Variants in DRICH1 observed in about 807,000 individuals in gnomAD.
DRICH1 encodes aspartate rich 1.
In DRICH1, 38 loss-of-function variants were observed where a neutral mutation model predicts 39.5. The observed-to-expected ratio is 0.96, with a 90% CI of 0.74 to 1.26. The LOEUF (loss-of-function observed/expected upper bound fraction) is 1.26, where lower values mean the gene tolerates loss of function less well. Ranked by LOEUF, DRICH1 falls within the 50% of genes most tolerant of loss-of-function variation. The pLI, the probability that DRICH1 is intolerant of heterozygous loss-of-function variation, is 0.00. For missense variants in DRICH1, 279 were observed against 270.4 expected, an observed-to-expected ratio of 1.03 and a Z score of -0.22; for synonymous variants, 84 against 99.5, an observed-to-expected ratio of 0.84 and a Z score of 0.93.
chr22:23,627,216 G>A (rs2123794723), intron 1 of DRICH1, among the ~76,000 whole-genome samples: 1 of 151,998 alleles, frequency 6.6e-6, no homozygotes, highest in South Asian at 2.1e-4. Context: ...GGGATTACAG[G>A]TGTGCGTCAC....
chr22:23,606,780 C>T (rs888557192), downstream of DRICH1, among the ~76,000 whole-genome samples: 2 of 152,176 alleles, frequency 1.3e-5, no homozygotes, highest in African/African-American at 4.8e-5. Flanking sequence ...CCCTGAGATG[C>T]CAGCGACCAA....
chr22:23,628,646 A>G (rs1200798020), intron 1 of DRICH1, among the ~76,000 whole-genome samples: 3 of 152,184 alleles, frequency 2.0e-5, no homozygotes, highest in Non-Finnish European at 4.4e-5. Context: ...GCCATTCCTC[A>G]AGTGACTTCC....
At chr22:23,620,479 A>T (rs2123781348) in intron 5 of DRICH1, 115 bp downstream of exon 5, 4 of 1,188,864 alleles carry the variant, frequency 3.4e-6, no homozygotes, top group Non-Finnish European at 5.0e-6. Context: ...CACTTGCAGA[A>T]TCATTTGCTC....
At chr22:23,626,893 G>A (rs1928096050) in intron 1 of DRICH1, among the ~76,000 whole-genome samples, 1 of 152,094 alleles carries the variant, frequency 6.6e-6, no homozygotes, top group South Asian at 2.1e-4. Context: ...CAATCTCACA[G>A]CCCTGAGATT....
the DRICH1 span, among the ~76,000 whole-genome samples, chr22:23,594,325 T>C: frequency 6.6e-6 from 1 of 152,132 alleles, no homozygotes; most frequent in Non-Finnish European, 1.5e-5. Context: ...TCAAAGCACT[T>C]TGGGAGACCA....
chr22:23,632,195 C>A lies in DRICH1; in HGVS notation c.-172G>T. Reference sequence around the variant, plus strand: ...GCCGCCACCTCCCAAACTAGCTGGTCTATGAGGTCAGGGACCTGCTGTCTT... The same window carrying A: ...GCCGCCACCTCCCAAACTAGCTGGTATATGAGGTCAGGGACCTGCTGTCTT... On this transcript the variant is annotated 5_prime_UTR_variant, in exon 1 of 12. The change abolishes the stop of an existing upstream ORF in the 5' untranslated region. Coordinates refer to ENST00000317749, the MANE Select transcript of DRICH1 (RefSeq NM_016449.4). 9.1e-7 allele frequency: 1 copy of A among 1,099,604 alleles called. No homozygotes were observed. The highest frequency in any genetic ancestry group is 1.3e-6 in the Non-Finnish European group (1 of 785,292). 68.1% of individuals were successfully genotyped at this position (1,099,604 alleles called of 1,614,324 possible). A position where few individuals can be genotyped will look rare whatever the true frequency, so the allele number is the denominator to read the frequency against.
At chr22:23,618,286 T>G (rs1349340615) in intron 6 of DRICH1, among the ~76,000 whole-genome samples, 2 of 151,794 alleles carry the variant, frequency 1.3e-5, no homozygotes, top group African/African-American at 4.8e-5. Flanking sequence ...GCTAATTTTT[T>G]TGTATTTTTA....
chr22:23,627,274 T>A (rs909806531), intron 1 of DRICH1, among the ~76,000 whole-genome samples: 6 of 152,064 alleles, frequency 3.9e-5, no homozygotes, highest in Admixed American at 6.5e-5. Flanking sequence ...GGTTTCACCA[T>A]GTTGGCCAGG....
chr22:23,591,533 G>A, the DRICH1 span, among the ~76,000 whole-genome samples: 1 of 152,064 alleles, frequency 6.6e-6, no homozygotes, highest in Non-Finnish European at 1.5e-5. Flanking sequence ...TACTCCAAGC[G>A]CTTCCCACTT....
chr22:23,606,724 C>T (rs921867407), downstream of DRICH1, among the ~76,000 whole-genome samples: 1 of 152,112 alleles, frequency 6.6e-6, no homozygotes, highest in African/African-American at 2.4e-5. Context: ...TCTCCCAGGG[C>T]TGGCTGCTGC....
the DRICH1 span, chr22:23,583,064 A>T: frequency 6.6e-6 from 1 of 152,194 alleles, no homozygotes; most frequent in East Asian, 1.9e-4. Flanking sequence ...CCCAGAGCTG[A>T]CTCCAGCTGG....
the DRICH1 span, among the ~76,000 whole-genome samples, chr22:23,593,669 C>T: frequency 6.4e-4 from 93 of 145,992 alleles, no homozygotes; most frequent in African/African-American, 2.2e-3. Flanking sequence ...CATGATGTCG[C>T]GCGCCTGTAG....
At chr22:23,590,207 G>A in the DRICH1 span, among the ~76,000 whole-genome samples, 1 of 152,140 alleles carries the variant, frequency 6.6e-6, no homozygotes, top group Admixed American at 6.5e-5. Flanking sequence ...CTTTCTGGTT[G>A]CATTTTAGTG....
At chr22:23,589,506 G>A in the DRICH1 span, among the ~76,000 whole-genome samples, 1 of 151,520 alleles carries the variant, frequency 6.6e-6, no homozygotes, top group Non-Finnish European at 1.5e-5. Flanking sequence ...GTGTATGTGT[G>A]TGTGTATATA....
chr22:23,612,472 AAAAAAAAAAG>A (rs922902036), intron 11 of DRICH1, among the ~76,000 whole-genome samples: 23 of 135,276 alleles, frequency 1.7e-4, no homozygotes, highest in Admixed American at 3.6e-4. Flanking sequence ...ATCTCAAAAA[AAAAAAAAAAG>A]AAAAAAAAAA....
the DRICH1 span, among the ~76,000 whole-genome samples, chr22:23,600,085 T>A: frequency 6.6e-6 from 1 of 152,080 alleles, no homozygotes; most frequent in East Asian, 1.9e-4. Context: ...GAAAAACGGA[T>A]AAGTAACTGT....
chr22:23,609,741 T>G (rs34140548), intron 11 of DRICH1, among the ~76,000 whole-genome samples: 1 of 151,990 alleles, frequency 6.6e-6, no homozygotes, highest in Non-Finnish European at 1.5e-5. Context: ...AATCTCACTA[T>G]GTCCTTCATC....
At chr22:23,610,816 T>G (rs1373811497) in intron 11 of DRICH1, among the ~76,000 whole-genome samples, 1 of 150,104 alleles carries the variant, frequency 6.7e-6, no homozygotes, top group South Asian at 2.1e-4. Context: ...CTAAAAGCAC[T>G]CTTTTTTTTT....
the DRICH1 span, among the ~76,000 whole-genome samples, chr22:23,582,557 T>TATTATTATTA: frequency 7.6e-6 from 1 of 130,820 alleles, no homozygotes; most frequent in Non-Finnish European, 1.7e-5. Context: ...TTCAGGGGCT[T>TATTATTATTA]ATTATTATTA....
Sources: gnomAD v4.1 joint callset for allele counts (sites outside exome capture counted in the v4.1 genomes callset) on GRCh38, gnomAD v4.1.1 for gene constraint, MANE v1.5 for transcripts, NCBI Gene and HGNC (gene_info 2026-07-23, HGNC 2026-07-21) for gene names.